NLGN4Y: variants seen among roughly 807,000 people sequenced by gnomAD.
The protein encoded by NLGN4Y is neuroligin 4 Y-linked.
In NLGN4Y, 4 loss-of-function variants were observed where a neutral mutation model predicts 8.4. That is an observed-to-expected ratio of 0.48 (90% CI 0.23 to 1.09). NLGN4Y has a LOEUF of 1.09. NLGN4Y is among the 50% of genes least tolerant of loss of function. The pLI, the probability that NLGN4Y is intolerant of heterozygous loss-of-function variation, is 0.19. For missense variants in NLGN4Y, 90 were observed against 192.3 expected, an observed-to-expected ratio of 0.47 and a Z score of 3.15; for synonymous variants, 35 against 75.6, an observed-to-expected ratio of 0.46 and a Z score of 2.78.
intron 1 of NLGN4Y, among the ~76,000 whole-genome samples, chrY:14,608,228 A>T (rs1030069621): frequency 3.0e-5 from 1 of 33,016 alleles, no homozygotes; most frequent in Non-Finnish European, 7.5e-5. Flanking sequence ...TCATTTGTCA[A>T]TTTTTGCTTT....
At chrY:14,645,332 G>A (rs2080606713) in intron 2 of NLGN4Y, among the ~76,000 whole-genome samples, 1 of 28,460 alleles carries the variant, frequency 3.5e-5, no homozygotes, top group Non-Finnish European at 8.3e-5. Flanking sequence ...CACCACCCCC[G>A]GCTAATTTTT....
intron 1 of NLGN4Y, among the ~76,000 whole-genome samples, chrY:14,540,387 G>C (rs2080146176): frequency 3.0e-5 from 1 of 33,095 alleles, no homozygotes; most frequent in African/African-American, 1.2e-4. Context: ...AAGGGCAGCT[G>C]TGGGTGCAGC....
intron 4 of NLGN4Y, among the ~76,000 whole-genome samples, chrY:14,773,610 T>C: frequency 3.1e-5 from 1 of 31,952 alleles, no homozygotes; most frequent in South Asian, 6.9e-4. Context: ...TGAGCCCATA[T>C]ATACAATCCT....
intron 4 of NLGN4Y, among the ~76,000 whole-genome samples, chrY:14,724,644 T>C (rs768917121): frequency 3.2e-5 from 1 of 31,690 alleles, no homozygotes; most frequent in South Asian, 7.5e-4. Flanking sequence ...CTTTTCTCTT[T>C]TTTTTGGGGG....
chrY:14,526,436 CTG>C (rs374815983), intron 1 of NLGN4Y, among the ~76,000 whole-genome samples: 242 of 29,412 alleles, frequency 8.2e-3, no homozygotes, highest in South Asian at 0.035. Flanking sequence ...GTATGTGTGT[CTG>C]TGTGTGTGTG....
chrY:14,730,917 G>A (rs2080969293), intron 4 of NLGN4Y, among the ~76,000 whole-genome samples: 1 of 31,329 alleles, frequency 3.2e-5, no homozygotes, highest in Non-Finnish European at 7.7e-5. Flanking sequence ...ATCAGTACAG[G>A]TCTCTTTTTA....
chrY:14,663,030 G>A, intron 2 of NLGN4Y, among the ~76,000 whole-genome samples: 2 of 33,160 alleles, frequency 6.0e-5, no homozygotes, highest in Admixed American at 2.7e-4. Context: ...TCCCACTATC[G>A]TTTCCAATGT....
At chrY:14,724,572 A>G (rs2080948782) in intron 4 of NLGN4Y, among the ~76,000 whole-genome samples, 1 of 32,473 alleles carries the variant, frequency 3.1e-5, no homozygotes, top group South Asian at 7.0e-4. Flanking sequence ...GTTTGTTTCT[A>G]TCTTCACAAC....
chrY:14,549,518 C>T, intron 1 of NLGN4Y, among the ~76,000 whole-genome samples: 1 of 33,062 alleles, frequency 3.0e-5, no homozygotes, highest in African/African-American at 1.2e-4. Flanking sequence ...CTGAGTTTAC[C>T]TAGGAATCAC....
At chrY:14,584,545 T>C (rs2080331713) in intron 1 of NLGN4Y, among the ~76,000 whole-genome samples, 1 of 32,710 alleles carries the variant, frequency 3.1e-5, no homozygotes, top group African/African-American at 1.2e-4. Context: ...ATCCTCCTTA[T>C]CCACAAGCAG....
chrY:14,676,681 A>C, intron 2 of NLGN4Y, among the ~76,000 whole-genome samples: 1 of 33,225 alleles, frequency 3.0e-5, no homozygotes, highest in Admixed American at 2.8e-4. Context: ...TCATTCAGTT[A>C]CAGTGTTTGT....
intron 1 of NLGN4Y, among the ~76,000 whole-genome samples, chrY:14,597,307 G>GA (rs2080405515): frequency 3.1e-5 from 1 of 32,645 alleles, no homozygotes; most frequent in Non-Finnish European, 7.5e-5. Flanking sequence ...TGCAAAGAGC[G>GA]AAAAAACTAA....
chrY:14,738,005 A>G, intron 4 of NLGN4Y, among the ~76,000 whole-genome samples: 1 of 33,178 alleles, frequency 3.0e-5, no homozygotes, highest in East Asian at 7.7e-4. Flanking sequence ...ATTATATTTT[A>G]TATTGATACT....
At chrY:14,784,958 G>A in intron 4 of NLGN4Y, among the ~76,000 whole-genome samples, 1 of 32,910 alleles carries the variant, frequency 3.0e-5, no homozygotes, top group Non-Finnish European at 7.4e-5. Flanking sequence ...ACAGAGCAGA[G>A]CATAATAGAC....
intron 2 of NLGN4Y, among the ~76,000 whole-genome samples, chrY:14,713,381 TAAC>T (rs2080905353): frequency 2.9e-5 from 1 of 34,030 alleles, no homozygotes; most frequent in Non-Finnish European, 7.3e-5. Flanking sequence ...TGCATAATGT[TAAC>T]AGCAGTAGAT....
chrY:14,593,378 G>T (rs748918509), intron 1 of NLGN4Y, among the ~76,000 whole-genome samples: 37 of 33,824 alleles, frequency 1.1e-3, no homozygotes, highest in Non-Finnish European at 2.2e-3. Flanking sequence ...TTGACTACCT[G>T]TCAGATGGTC....
chrY:14,774,993 C>G, intron 4 of NLGN4Y, among the ~76,000 whole-genome samples: 1 of 31,888 alleles, frequency 3.1e-5, no homozygotes, highest in Non-Finnish European at 7.6e-5. Context: ...CATCACGCAC[C>G]CGGGCTTGTC....
At chrY:14,709,825 G>C (rs1014626300) in intron 2 of NLGN4Y, among the ~76,000 whole-genome samples, 2 of 33,181 alleles carry the variant, frequency 6.0e-5, no homozygotes, top group South Asian at 1.3e-3. Flanking sequence ...CTGAAAATGG[G>C]AGTGTTATCT....
intron 2 of NLGN4Y, among the ~76,000 whole-genome samples, chrY:14,657,391 G>A: frequency 3.1e-5 from 1 of 32,693 alleles, no homozygotes. Context: ...ATGGCCTTAA[G>A]AGCTTAAGGA....
Sources: allele counts gnomAD v4.1 joint callset (sites outside exome capture counted in the v4.1 genomes callset), GRCh38; gene constraint gnomAD v4.1.1; transcripts MANE v1.5; gene names NCBI Gene and HGNC (gene_info 2026-07-23, HGNC 2026-07-21).